The following PIWIL2 variants were observed in gnomAD, a reference collection of about 807,000 sequenced individuals.
PIWIL2 encodes the protein piwi-like protein 2.
A neutral mutation model predicts 116.5 loss-of-function variants in PIWIL2; 81 were observed. The ratio of observed to expected loss-of-function variants is 0.70; its 90% CI spans 0.58 to 0.84. The LOEUF (loss-of-function observed/expected upper bound fraction) is 0.84. Among genes scored for constraint, PIWIL2 ranks in the 40% least tolerant of loss-of-function variants. The probability of loss-of-function intolerance (pLI) is 0.00; values close to 1 mark genes in which losing one functional copy is unlikely to be tolerated. For synonymous variants in PIWIL2, 489 were observed against 429.5 expected (o/e 1.14, Z -1.71); for missense variants, 1,272 against 1,212.3 (o/e 1.05, Z -0.73).
At chr8:22,283,943 A>C (rs1327257997) in intron 5 of PIWIL2, among the ~76,000 whole-genome samples, 1 of 152,190 alleles carries the variant, frequency 6.6e-6, no homozygotes, top group African/African-American at 2.4e-5. Context: ...TAGGAAAGGT[A>C]GGGTGACCTT....
chr8:22,305,676 A>G (rs1309359545), intron 12 of PIWIL2, among the ~76,000 whole-genome samples: 1 of 151,054 alleles, frequency 6.6e-6, no homozygotes, highest in Non-Finnish European at 1.5e-5. Context: ...TTTTTTTTCT[A>G]GTTTTTACTC....
intron 4 of PIWIL2, among the ~76,000 whole-genome samples, chr8:22,281,922 G>A (rs747511295): frequency 2.7e-5 from 4 of 147,874 alleles, no homozygotes; most frequent in Non-Finnish European, 4.5e-5. Flanking sequence ...CAGGCATGTG[G>A]CACCATACCC....
At chr8:22,355,256 C>G in intron 22 of PIWIL2, 93 bp from the exon 23 acceptor site, 1 of 1,242,068 alleles carries the variant, frequency 8.1e-7, no homozygotes, top group African/African-American at 1.5e-5. Flanking sequence ...AAGGTGTGCT[C>G]TGTGTCATAT....
intron 10 of PIWIL2, among the ~76,000 whole-genome samples, chr8:22,301,271 A>G (rs1040543924): frequency 1.3e-5 from 2 of 151,780 alleles, no homozygotes; most frequent in African/African-American, 4.8e-5. Flanking sequence ...ACACCCGGCC[A>G]GTGGTCCCTT....
At chr8:22,350,101 G>A (rs2132110342) in intron 20 of PIWIL2, among the ~76,000 whole-genome samples, 1 of 152,320 alleles carries the variant, frequency 6.6e-6, no homozygotes, top group South Asian at 2.1e-4. Context: ...ATTCTGCAGT[G>A]CACAGGACAG....
At chr8:22,339,012 C>A (rs1832044447) in intron 20 of PIWIL2, among the ~76,000 whole-genome samples, 1 of 152,108 alleles carries the variant, frequency 6.6e-6, no homozygotes, top group Admixed American at 6.5e-5. Context: ...AAATGAGAGT[C>A]CAAAAATAAA....
chr8:22,311,413 C>T (rs909111510), intron 16 of PIWIL2, 113 bp downstream of exon 16: 4 of 817,560 alleles, frequency 4.9e-6, no homozygotes, highest in Non-Finnish European at 5.8e-6. Flanking sequence ...TAGAACTTGT[C>T]TTACCCATGC....
Position 22,304,795 on chromosome 8 carries a change from G to A in PIWIL2, c.1382G>A (p.Gly461Glu), listed in dbSNP as rs1831136057. ...CTACTCTGCTCTAGCAAAAATTATG[G>A]GATCACAGTTAAGGAAGAGGACCAG... Reference protein sequence around the residue: ...TFLEYYSKNYGITVKEEDQPL... With the variant: ...TFLEYYSKNYEITVKEEDQPL... Residue 461 changes from glycine to glutamate, a missense_variant, in exon 12 of 23, where the codon GGG (glycine) becomes GAG (glutamate). Gly to Glu is a moderately conservative substitution (Grantham distance 98). Coordinates refer to ENST00000356766, the MANE Select transcript of PIWIL2 (RefSeq NM_018068.5). The A allele has an allele frequency of 1.2e-6, 2 of 1,612,408 alleles. No individual in the cohort carries two copies. The highest frequency in any genetic ancestry group is 1.7e-6 in the Non-Finnish European group (2 of 1,178,516).
rs1400268983 is a variant in PIWIL2 at position 22,288,533 on chromosome 8, A to AT, written c.862-6dup. The AT allele has an allele frequency of 1.2e-6, 2 of 1,609,386 alleles. No homozygotes were observed. The highest frequency in any genetic ancestry group is 1.7e-6 in the Non-Finnish European group (2 of 1,176,732). On this transcript the variant is annotated splice_polypyrimidine_tract_variant and intron_variant, in intron 7 of 22. Coordinates refer to ENST00000356766, the MANE Select transcript of PIWIL2 (RefSeq NM_018068.5). ...CATTTTGTTTCACCTGTGTGTATTT[A>AT]TTTGTTAGGTTCTTGAGTTAAAAAG... is the stretch of plus-strand genomic sequence containing the variant.
At chr8:22,341,553 C>T (rs1385581460) in intron 20 of PIWIL2, among the ~76,000 whole-genome samples, 1 of 149,558 alleles carries the variant, frequency 6.7e-6, no homozygotes, top group African/African-American at 2.5e-5. Context: ...CAGGATTGTG[C>T]CATTGCACTC....
At chr8:22,299,028 A>G (rs1001972285) in intron 10 of PIWIL2, among the ~76,000 whole-genome samples, 8 of 152,142 alleles carry the variant, frequency 5.3e-5, no homozygotes, top group African/African-American at 1.9e-4. Flanking sequence ...ACTTATTACT[A>G]TGGTGACAGA....
At chr8:22,314,803 T>C (rs1328022427) in intron 17 of PIWIL2, among the ~76,000 whole-genome samples, 1 of 152,134 alleles carries the variant, frequency 6.6e-6, no homozygotes, top group Admixed American at 6.5e-5. Context: ...GTTGGTTTTA[T>C]TTTGTTTTGG....
chr8:22,284,796 A>C (rs1830594733), intron 6 of PIWIL2, among the ~76,000 whole-genome samples: 1 of 152,072 alleles, frequency 6.6e-6, no homozygotes, highest in Non-Finnish European at 1.5e-5. Flanking sequence ...GTTTTATATC[A>C]ATAATTTTAG....
intron 10 of PIWIL2, among the ~76,000 whole-genome samples, chr8:22,303,744 T>C (rs191434790): frequency 1.3e-5 from 2 of 152,022 alleles, no homozygotes; most frequent in East Asian, 3.9e-4. Context: ...AGCTTTTTCC[T>C]TTTTTTTCCC....
intron 8 of PIWIL2, among the ~76,000 whole-genome samples, chr8:22,289,604 C>T (rs374908691): frequency 5.9e-5 from 9 of 152,318 alleles, no homozygotes; most frequent in African/African-American, 2.2e-4. Flanking sequence ...GAAACCAACT[C>T]AGTGTTTGGT....
rs147531820 is a variant in PIWIL2, at chr8:22,283,583, G to C, written c.632+343G>C. On this transcript the variant is annotated intron_variant, in intron 5 of 22. Transcript: ENST00000356766. ...GCCATCACCCCCACCTAATTTTTTT[G>C]TATTTTTAGTAGAGATGGGGTCTCA... 4.1e-3 allele frequency among the ~76,000 whole-genome samples: 631 copies of C among 152,162 alleles called. 5 individuals are homozygous for C. The highest frequency in any genetic ancestry group is 0.015 in the African/African-American group (610 of 41,540).
intron 16 of PIWIL2, among the ~76,000 whole-genome samples, chr8:22,313,937 G>A (rs1831392829): frequency 6.6e-6 from 1 of 152,130 alleles, no homozygotes; most frequent in East Asian, 1.9e-4. Context: ...TGGTATGAGT[G>A]TAATAAGTTG....
intron 21 of PIWIL2, 41 bp from the exon 22 acceptor site, chr8:22,354,230 T>C (rs1394034492): frequency 7.5e-7 from 1 of 1,340,016 alleles, no homozygotes; most frequent in South Asian, 1.2e-5. Context: ...TCTGTCTGGC[T>C]GAATCCGACC....
chr8:22,334,029 A>G (rs974742757), intron 20 of PIWIL2, among the ~76,000 whole-genome samples: 1 of 150,244 alleles, frequency 6.7e-6, no homozygotes, highest in Non-Finnish European at 1.5e-5. Context: ...GATGGAGTGC[A>G]GTGGTAGGAT....
Sources: gnomAD v4.1 joint callset for allele counts (sites outside exome capture counted in the v4.1 genomes callset) on GRCh38, gnomAD v4.1.1 for gene constraint, MANE v1.5 for transcripts, NCBI Gene and HGNC (gene_info 2026-07-23, HGNC 2026-07-21) for gene names.